Variants in AKAP6 observed in about 807,000 individuals in gnomAD.
AKAP6 encodes the protein A-kinase anchoring protein 6.
In AKAP6, 58 loss-of-function variants were observed where a neutral mutation model predicts 188.5. That is an observed-to-expected ratio of 0.31 (90% CI 0.25 to 0.38). The LOEUF is 0.38. Ranked by LOEUF, AKAP6 falls within the 10% of genes least tolerant of loss-of-function variation. The probability of loss-of-function intolerance (pLI) is 1.00; values close to 1 mark genes in which losing one functional copy is unlikely to be tolerated. For synonymous variants in AKAP6, 989 were observed against 998.6 expected (o/e 0.99, Z 0.18); for missense variants, 2,710 against 2,740.0 (o/e 0.99, Z 0.24).
At chr14:32,486,071 G>A (rs1219996198) in intron 2 of AKAP6, among the ~76,000 whole-genome samples, 1 of 152,176 alleles carries the variant, frequency 6.6e-6, no homozygotes, top group Admixed American at 6.5e-5. Flanking sequence ...TTATTAAATA[G>A]GGAATCCTTT....
At chr14:32,750,755 T>C (rs1230143520) in intron 11 of AKAP6, among the ~76,000 whole-genome samples, 1 of 150,740 alleles carries the variant, frequency 6.6e-6, no homozygotes, top group South Asian at 2.1e-4. Flanking sequence ...TTTTTTGTTT[T>C]TTTTTCAGAT....
At chr14:32,684,469 A>T (rs1889822575) in intron 8 of AKAP6, among the ~76,000 whole-genome samples, 1 of 152,210 alleles carries the variant, frequency 6.6e-6, no homozygotes, top group African/African-American at 2.4e-5. Context: ...AGCTGTAGGT[A>T]AAAAGCTCCT....
intron 1 of AKAP6, among the ~76,000 whole-genome samples, chr14:32,366,698 G>A (rs993233786): frequency 8.6e-5 from 13 of 151,946 alleles, no homozygotes; most frequent in African/African-American, 2.9e-4. Context: ...TGCTCTGTGT[G>A]TGTGTGTCTG....
chr14:32,698,008 A>G (rs546887109), intron 9 of AKAP6, among the ~76,000 whole-genome samples: 44 of 152,294 alleles, frequency 2.9e-4, no homozygotes, highest in African/African-American at 7.5e-4. Context: ...TCATTAGACC[A>G]GCACTAACTT....
At chr14:32,691,172 T>G (rs965675109) in intron 8 of AKAP6, among the ~76,000 whole-genome samples, 1 of 152,152 alleles carries the variant, frequency 6.6e-6, no homozygotes, top group African/African-American at 2.4e-5. Flanking sequence ...CACCACAATT[T>G]TAATCACCTC....
At chr14:32,741,231 C>T (rs1436274529) in intron 11 of AKAP6, among the ~76,000 whole-genome samples, 7 of 151,714 alleles carry the variant, frequency 4.6e-5, no homozygotes, top group East Asian at 3.9e-4. Flanking sequence ...TTTTGTATCC[C>T]GCAACTTTAC....
intron 8 of AKAP6, among the ~76,000 whole-genome samples, chr14:32,689,262 A>G (rs1273618722): frequency 8.6e-5 from 13 of 152,006 alleles, no homozygotes; most frequent in Admixed American, 8.5e-4. Context: ...AGAAATCTAC[A>G]CTGATGTTTC....
At chr14:32,813,984 G>T (rs888869312) in intron 12 of AKAP6, among the ~76,000 whole-genome samples, 5 of 150,422 alleles carry the variant, frequency 3.3e-5, no homozygotes, top group African/African-American at 1.2e-4. Context: ...TACATTCTAT[G>T]ACCTCTGTGG....
intron 9 of AKAP6, among the ~76,000 whole-genome samples, chr14:32,717,061 G>A (rs1278602496): frequency 6.6e-6 from 1 of 152,114 alleles, no homozygotes; most frequent in East Asian, 1.9e-4. Flanking sequence ...CTTCCCTGGA[G>A]CAGGTGGATC....
At chr14:32,577,613 A>G (rs1884787182) in intron 5 of AKAP6, among the ~76,000 whole-genome samples, 1 of 152,188 alleles carries the variant, frequency 6.6e-6, no homozygotes, top group African/African-American at 2.4e-5. Flanking sequence ...GAATTCTTGT[A>G]AAATTAATGA....
intron 2 of AKAP6, among the ~76,000 whole-genome samples, chr14:32,492,063 C>T (rs765812026): frequency 6.6e-6 from 1 of 151,978 alleles, no homozygotes; most frequent in Non-Finnish European, 1.5e-5. Context: ...CTCATTCCCA[C>T]CCTTGCAAAC....
At chr14:32,419,043 A>G (rs17099047) in intron 1 of AKAP6, among the ~76,000 whole-genome samples, 7,694 of 152,282 alleles carry the variant, frequency 0.051, 238 homozygotes, top group East Asian at 0.083. Flanking sequence ...TTCACCTTCA[A>G]TTTAGGTGGC....
At chr14:32,542,308 GTCAT>G (rs767873167) in intron 3 of AKAP6, among the ~76,000 whole-genome samples, 2 of 152,074 alleles carry the variant, frequency 1.3e-5, no homozygotes, top group African/African-American at 2.4e-5. Flanking sequence ...CTAAAATGTT[GTCAT>G]TCATTCATTC....
At chr14:32,541,946 T>C (rs929789515) in intron 3 of AKAP6, among the ~76,000 whole-genome samples, 1 of 152,214 alleles carries the variant, frequency 6.6e-6, no homozygotes, top group African/African-American at 2.4e-5. Context: ...AATTTAGTGT[T>C]AGCAATAACT....
intron 12 of AKAP6, among the ~76,000 whole-genome samples, chr14:32,786,303 T>TTTTTTTTTTTTTG (rs1566710221): frequency 4.1e-5 from 3 of 73,764 alleles, no homozygotes; most frequent in Non-Finnish European, 8.0e-5. Context: ...TTTATCTTTT[T>TTTTTTTTTTTTTG]TTTTTTTTTT....
intron 5 of AKAP6, among the ~76,000 whole-genome samples, chr14:32,586,768 T>G (rs1434239885): frequency 6.6e-6 from 1 of 152,248 alleles, no homozygotes; most frequent in East Asian, 1.9e-4. Context: ...TATGCCATAA[T>G]TTACATAACC....
chr14:32,722,429 G>A (rs770461216), intron 9 of AKAP6, among the ~76,000 whole-genome samples: 1 of 152,082 alleles, frequency 6.6e-6, no homozygotes, highest in Admixed American at 6.5e-5. Context: ...GTAGAAGAGG[G>A]CAGGGTCCCT....
At chr14:32,486,232 T>TTTGAAGTCAGGTAGTATAGG (rs2138923648) in intron 2 of AKAP6, among the ~76,000 whole-genome samples, 1 of 152,314 alleles carries the variant, frequency 6.6e-6, no homozygotes, top group Admixed American at 6.5e-5. Context: ...TGTAGTATAG[T>TTTGAAGTCAGGTAGTATAGG]TTGAAGTCAG....
chr14:32,759,918 A>G (rs919968680), intron 11 of AKAP6, among the ~76,000 whole-genome samples: 2 of 152,320 alleles, frequency 1.3e-5, no homozygotes, highest in East Asian at 1.9e-4. Context: ...AGCTGTCCAA[A>G]CTATGTCACA....
Sources: allele counts gnomAD v4.1 joint callset (sites outside exome capture counted in the v4.1 genomes callset), GRCh38; gene constraint gnomAD v4.1.1; transcripts MANE v1.5; gene names NCBI Gene and HGNC (gene_info 2026-07-23, HGNC 2026-07-21).